The following CCSER1 variants were observed in gnomAD, a reference collection of about 807,000 sequenced individuals.
The protein encoded by CCSER1 is coiled-coil serine rich protein 1.
Under a neutral mutation model 82.0 loss-of-function variants are expected in CCSER1, and 41 were observed. The observed-to-expected ratio is 0.50, with a 90% CI of 0.39 to 0.65. The LOEUF is 0.65. Ranked by LOEUF, CCSER1 falls within the 30% of genes least tolerant of loss-of-function variation. The probability of loss-of-function intolerance (pLI) is 0.00; values close to 1 mark genes in which losing one functional copy is unlikely to be tolerated. For missense variants in CCSER1, 1,119 were observed against 1,064.2 expected, an observed-to-expected ratio of 1.05 and a Z score of -0.72; for synonymous variants, 414 against 383.9, an observed-to-expected ratio of 1.08 and a Z score of -0.92.
chr4:91,149,675 C>A (rs1046820986), intron 10 of CCSER1, among the ~76,000 whole-genome samples: 1 of 152,128 alleles, frequency 6.6e-6, no homozygotes, highest in African/African-American at 2.4e-5. Context: ...AGGAAGGGAT[C>A]CAGTTTCAGC....
intron 1 of CCSER1, among the ~76,000 whole-genome samples, chr4:90,282,696 G>T (rs1729098506): frequency 2.6e-5 from 4 of 151,912 alleles, no homozygotes; most frequent in Admixed American, 2.6e-4. Context: ...GAATACTATT[G>T]GTTAAAGAAA....
At chr4:91,479,698 TTTTCTTTTTTTTC>T (rs1187423045) in intron 10 of CCSER1, among the ~76,000 whole-genome samples, 123 of 109,520 alleles carry the variant, frequency 1.1e-3, no homozygotes, top group African/African-American at 3.4e-3. Context: ...ATTCTTTTTT[TTTTCTTTTTTTTC>T]TTTCTTTTTT....
intron 10 of CCSER1, among the ~76,000 whole-genome samples, chr4:91,569,074 T>G (rs998707361): frequency 1.3e-5 from 2 of 152,208 alleles, no homozygotes; most frequent in Non-Finnish European, 2.9e-5. Flanking sequence ...TATTTGAAGC[T>G]GTCTTCTTGT....
chr4:90,225,955 A>G (rs1046192369), intron 1 of CCSER1, among the ~76,000 whole-genome samples: 1 of 152,208 alleles, frequency 6.6e-6, no homozygotes, highest in Non-Finnish European at 1.5e-5. Flanking sequence ...AAGTAATACT[A>G]TATCAGTTAT....
At chr4:90,155,788 G>A (rs553254170) in intron 1 of CCSER1, among the ~76,000 whole-genome samples, 125 of 151,498 alleles carry the variant, frequency 8.3e-4, no homozygotes, top group Middle Eastern at 3.4e-3. Flanking sequence ...TCTTGCTAGC[G>A]GTCTATCAAT....
intron 10 of CCSER1, among the ~76,000 whole-genome samples, chr4:91,219,219 C>G (rs1737536501): frequency 6.6e-6 from 1 of 151,620 alleles, no homozygotes; most frequent in East Asian, 1.9e-4. Flanking sequence ...GTTATAAAAG[C>G]CAGTATGTGT....
At chr4:91,008,482 A>T (rs1374615544) in intron 9 of CCSER1, among the ~76,000 whole-genome samples, 4 of 152,164 alleles carry the variant, frequency 2.6e-5, no homozygotes, top group Non-Finnish European at 4.4e-5. Flanking sequence ...GACAGTTTTT[A>T]ACTTGTAGTC....
At chr4:90,237,122 A>G in intron 1 of CCSER1, among the ~76,000 whole-genome samples, 1 of 152,168 alleles carries the variant, frequency 6.6e-6, no homozygotes, top group East Asian at 1.9e-4. Context: ...GAGAAATCAA[A>G]TATAATTGTC....
At chr4:90,868,846 T>C (rs1053529923) in intron 8 of CCSER1, among the ~76,000 whole-genome samples, 1 of 152,098 alleles carries the variant, frequency 6.6e-6, no homozygotes, top group Admixed American at 6.6e-5. Flanking sequence ...TTCCCTTTTC[T>C]CCACATCCTT....
At chr4:91,267,592 G>A (rs1485168967) in intron 10 of CCSER1, among the ~76,000 whole-genome samples, 2 of 152,140 alleles carry the variant, frequency 1.3e-5, no homozygotes, top group African/African-American at 4.8e-5. Flanking sequence ...AGTCTTTCAG[G>A]CCCTCATATT....
chr4:91,151,821 C>T (rs1730236815), intron 10 of CCSER1, among the ~76,000 whole-genome samples: 1 of 152,112 alleles, frequency 6.6e-6, no homozygotes, highest in Non-Finnish European at 1.5e-5. Context: ...TAATTTGATT[C>T]CACTGTGGTC....
At chr4:91,078,648 T>G (rs62311032) in intron 9 of CCSER1, among the ~76,000 whole-genome samples, 1 of 152,170 alleles carries the variant, frequency 6.6e-6, no homozygotes, top group Non-Finnish European at 1.5e-5. Context: ...TAAAGGAGGA[T>G]GTACGAACCC....
chr4:90,986,210 A>G (rs17265485), intron 9 of CCSER1, among the ~76,000 whole-genome samples: 48,681 of 151,478 alleles, frequency 0.32, 8,299 homozygotes, highest in Non-Finnish European at 0.38. Context: ...AATTTTTGGT[A>G]ACTTTTTGGA....
intron 10 of CCSER1, among the ~76,000 whole-genome samples, chr4:91,225,939 T>A (rs2149107817): frequency 6.6e-6 from 1 of 152,080 alleles, no homozygotes; most frequent in South Asian, 2.1e-4. Context: ...AGGTAACATA[T>A]GGTCTGAATA....
At chr4:90,240,498 T>C (rs570409968) in intron 1 of CCSER1, among the ~76,000 whole-genome samples, 2 of 152,230 alleles carry the variant, frequency 1.3e-5, no homozygotes, top group Admixed American at 1.3e-4. Context: ...TCACCAGAAG[T>C]CATGGAAGAG....
chr4:90,646,890 T>A (rs1263084119), intron 6 of CCSER1, among the ~76,000 whole-genome samples: 2 of 152,064 alleles, frequency 1.3e-5, no homozygotes. Flanking sequence ...TCCACCTAAA[T>A]CTCGTAAAAT....
At chr4:90,753,783 C>G (rs1412703100) in intron 7 of CCSER1, among the ~76,000 whole-genome samples, 1 of 152,076 alleles carries the variant, frequency 6.6e-6, no homozygotes, top group Non-Finnish European at 1.5e-5. Flanking sequence ...CTTTCTAAGG[C>G]CTTACATGTT....
intron 6 of CCSER1, among the ~76,000 whole-genome samples, chr4:90,717,785 GTA>G (rs142381987): frequency 2.3e-4 from 34 of 146,620 alleles, no homozygotes; most frequent in East Asian, 1.4e-3. Flanking sequence ...ATATATGTGT[GTA>G]TATATATATA....
chr4:91,536,074 A>G (rs955578368), intron 10 of CCSER1, among the ~76,000 whole-genome samples: 6 of 152,138 alleles, frequency 3.9e-5, no homozygotes, highest in African/African-American at 1.4e-4. Context: ...TTTCAGAAGG[A>G]TCACAGTTTT....
Sources: gnomAD v4.1 joint callset for allele counts (sites outside exome capture counted in the v4.1 genomes callset) on GRCh38, gnomAD v4.1.1 for gene constraint, MANE v1.5 for transcripts, NCBI Gene and HGNC (gene_info 2026-07-23, HGNC 2026-07-21) for gene names.